Variants in CAMKMT observed in about 807,000 individuals in gnomAD.
CAMKMT encodes CaM KMT.
Under a neutral mutation model 48.0 loss-of-function variants are expected in CAMKMT, and 53 were observed. That is an observed-to-expected ratio of 1.10 (90% confidence interval 0.89 to 1.39). The LOEUF (loss-of-function observed/expected upper bound fraction) is 1.39. Ranked by LOEUF, CAMKMT falls within the 40% of genes most tolerant of loss-of-function variation. The pLI, the probability that CAMKMT is intolerant of heterozygous loss-of-function variation, is 0.00. For missense variants in CAMKMT, 428 were observed against 402.7 expected (o/e 1.06, Z -0.54); for synonymous variants, 165 against 152.3 (o/e 1.08, Z -0.61).
intron 3 of CAMKMT, among the ~76,000 whole-genome samples, chr2:44,494,738 A>G (rs1326102605): frequency 3.3e-5 from 5 of 152,234 alleles, no homozygotes; most frequent in Non-Finnish European, 5.9e-5. Flanking sequence ...GAGAGACTCC[A>G]TTATGACAGA....
chr2:44,514,483 G>T (rs1397231437), intron 3 of CAMKMT, among the ~76,000 whole-genome samples: 1 of 152,194 alleles, frequency 6.6e-6, no homozygotes, highest in East Asian at 1.9e-4. Context: ...CTGAGAGCAG[G>T]CGGACATTGG....
chr2:44,445,645 GTTTTTTTTTTTTTTTTTTTT>G lies in CAMKMT; in HGVS notation c.376+55369_376+55388del, dbSNP rs869258613. Among the ~76,000 whole-genome samples the G allele has an allele frequency of 1.4e-3, 141 of 101,394 alleles. 10 individuals are homozygous for G. Among genetic ancestry groups the G allele is most frequent in the African/African-American group, 3.5e-3 (96 of 27,336 alleles). 66.5% of individuals were successfully genotyped at this position (101,394 alleles called of 152,430 possible). A position where few individuals can be genotyped will look rare whatever the true frequency, so the allele number is the denominator to read the frequency against. On this transcript the variant is annotated intron_variant, in intron 3 of 10. Transcript: ENST00000378494. ...AGTCCAACATGTCGGCAAAAGGGTA[GTTTTTTTTTTTTTTTTTTTT>G]TTTTTTTTTTTTTTTTTTTTTTTTT...
rs143503494 is a variant in CAMKMT at position 44,715,350 on chromosome 2, G to A, written c.620G>A (p.Ser207Asn). The A allele has an allele frequency of 1.9e-6, 3 of 1,611,398 alleles. No individual in the cohort carries two copies. Among genetic ancestry groups the A allele is most frequent in the Non-Finnish European group, 2.5e-6 (3 of 1,178,098 alleles). ...GTGTTTAAGACCCAGAAAATATCAA[G>A]CTGGTAAGATACCTTTCTGCATTAA... The part of the protein sequence containing the change: ...AGVFKTQKIS[S>N]CVLRWDNETD... The change falls in exon 7 of 11, where the codon AGC becomes AAC. Residue 207 changes from serine to asparagine, a missense_variant. Ser to Asn is a conservative substitution (Grantham distance 46). Transcript: ENST00000378494.
intron 3 of CAMKMT, among the ~76,000 whole-genome samples, chr2:44,574,999 A>C (rs868249685): frequency 2.2e-4 from 34 of 151,538 alleles, no homozygotes; most frequent in African/African-American, 6.1e-4. Context: ...CAAATGATCC[A>C]CCCACCTTAG....
At position 44,614,953 on chromosome 2, in the gene CAMKMT, T is replaced by TTTTTTTTC. The variant is rs1459090690; in HGVS notation, c.377-89323_377-89322insCTTTTTTT. 4.8e-4 allele frequency among the ~76,000 whole-genome samples: 64 copies of TTTTTTTTC among 133,472 alleles called. 5 individuals are homozygous for TTTTTTTTC. Among genetic ancestry groups the TTTTTTTTC allele is most frequent in the African/African-American group, 1.9e-3 (64 of 33,298 alleles). The allele number at this position is 133,472 out of a possible 152,430, so 87.6% of individuals were successfully genotyped here. A position where few individuals can be genotyped will look rare whatever the true frequency, so the allele number is the denominator to read the frequency against. On this transcript the variant is annotated intron_variant, in intron 3 of 10. Coordinates refer to ENST00000378494, the MANE Select transcript of CAMKMT (RefSeq NM_024766.5). Reference sequence around the variant, plus strand: ...TCTCCTTGCTTTTTTTTTTTTTTTTTTTTTTTTGAGACAGGGTCTTGCTCT... The same window carrying TTTTTTTTC: ...TCTCCTTGCTTTTTTTTTTTTTTTTTTTTTTTTCTTTTTTTGAGACAGGGTCTTGCTCT...
intron 2 of CAMKMT, among the ~76,000 whole-genome samples, chr2:44,387,953 G>T (rs992773135): frequency 6.6e-6 from 1 of 152,198 alleles, no homozygotes; most frequent in Admixed American, 6.5e-5. Flanking sequence ...TTGCCTCACA[G>T]CTCTTAAGAG....
At chr2:44,699,799 A>G (rs898945881) in intron 3 of CAMKMT, among the ~76,000 whole-genome samples, 1 of 152,160 alleles carries the variant, frequency 6.6e-6, no homozygotes, top group African/African-American at 2.4e-5. Context: ...TAAAGGCGCT[A>G]TGATTTTTAG....
chr2:44,711,404 G>T (rs948617908), intron 6 of CAMKMT, among the ~76,000 whole-genome samples: 1 of 152,198 alleles, frequency 6.6e-6, no homozygotes, highest in African/African-American at 2.4e-5. Flanking sequence ...TTATATACAT[G>T]AAGGGCAGAA....
At chr2:44,459,391 G>T (rs1471352792) in intron 3 of CAMKMT, among the ~76,000 whole-genome samples, 1 of 152,046 alleles carries the variant, frequency 6.6e-6, no homozygotes, top group Non-Finnish European at 1.5e-5. Flanking sequence ...TTAAATGCCT[G>T]GTTGTTATAG....
chr2:44,509,236 A>G (rs891111545), intron 3 of CAMKMT, among the ~76,000 whole-genome samples: 5 of 152,174 alleles, frequency 3.3e-5, no homozygotes, highest in African/African-American at 9.7e-5. Context: ...ACTGTCTCCA[A>G]TAGCCTAATT....
rs572097425 is a variant in CAMKMT at position 44,370,317 on chromosome 2, G to C, written c.139-2399G>C. Among the ~76,000 whole-genome samples the C allele has an allele frequency of 8.5e-4, 130 of 152,180 alleles. 2 individuals carry two copies. In the South Asian group the frequency reaches 0.025, roughly 30 times the overall value. The stretch of plus-strand genomic sequence containing the variant: ...GCAATCTGGGCCTGGAGTTTTCTTT[G>C]TGGTAAGTTTTATATTTATGAATTC... On this transcript the variant is annotated intron_variant, in intron 1 of 10. Transcript: ENST00000378494.
At chr2:44,451,818 A>C (rs1667302644) in intron 3 of CAMKMT, among the ~76,000 whole-genome samples, 1 of 151,794 alleles carries the variant, frequency 6.6e-6, no homozygotes, top group Admixed American at 6.6e-5. Context: ...TCTCTTTCAC[A>C]TTTGCTGTAT....
At chr2:44,571,552 G>A (rs549865742) in intron 3 of CAMKMT, among the ~76,000 whole-genome samples, 1 of 152,082 alleles carries the variant, frequency 6.6e-6, no homozygotes, top group East Asian at 1.9e-4. Flanking sequence ...TTATTTCTCA[G>A]ACTTAATAAC....
intron 3 of CAMKMT, among the ~76,000 whole-genome samples, chr2:44,569,608 C>A (rs1668799581): frequency 6.6e-6 from 1 of 152,056 alleles, no homozygotes; most frequent in Non-Finnish European, 1.5e-5. Flanking sequence ...CTCTCAGTGT[C>A]CTGTCTTTCT....
rs188568153 is a variant in CAMKMT at position 44,571,788 on chromosome 2, C to G, written c.377-132495C>G. Among the ~76,000 whole-genome samples the G allele has an allele frequency of 3.3e-3, 506 of 151,916 alleles. 2 individuals carry two copies. Among genetic ancestry groups the G allele is most frequent in the African/African-American group, 0.011 (475 of 41,416 alleles). ...AGGGAGTTCGAGACCAGCCTGGTGG[C>G]AACACAGTGAGACCCTGTCTCTAAA... On this transcript the variant is annotated intron_variant, in intron 3 of 10. Coordinates refer to ENST00000378494, the MANE Select transcript of CAMKMT (RefSeq NM_024766.5).
chr2:44,402,869 T>C (rs1417638492), intron 3 of CAMKMT, among the ~76,000 whole-genome samples: 2 of 151,468 alleles, frequency 1.3e-5, no homozygotes, highest in African/African-American at 4.8e-5. Flanking sequence ...CCCATAGCAT[T>C]CTTTTCATAT....
At chr2:44,415,352 A>T (rs1474247809) in intron 3 of CAMKMT, among the ~76,000 whole-genome samples, 1 of 152,206 alleles carries the variant, frequency 6.6e-6, no homozygotes, top group Non-Finnish European at 1.5e-5. Context: ...AGTTCACTAC[A>T]GAGGATAATT....
intron 3 of CAMKMT, among the ~76,000 whole-genome samples, chr2:44,703,771 TAAAA>T (rs547342457): frequency 8.3e-5 from 7 of 84,094 alleles, no homozygotes; most frequent in Non-Finnish European, 1.6e-4. Flanking sequence ...AGCAAGACTC[TAAAA>T]AAAAAAAAAA....
intron 10 of CAMKMT, among the ~76,000 whole-genome samples, chr2:44,770,762 G>A (rs1681071058): frequency 6.6e-6 from 1 of 152,208 alleles, no homozygotes; most frequent in East Asian, 1.9e-4. Context: ...TGGAGGACCT[G>A]TGTTTAGGCT....
Sources: allele counts gnomAD v4.1 joint callset (sites outside exome capture counted in the v4.1 genomes callset), GRCh38; gene constraint gnomAD v4.1.1; transcripts MANE v1.5; gene names NCBI Gene and HGNC (gene_info 2026-07-23, HGNC 2026-07-21).